TNR: variants seen among roughly 807,000 people sequenced by gnomAD.
TNR encodes the protein tenascin-R.
In TNR, 45 loss-of-function variants were observed where a neutral mutation model predicts 150.4. The observed-to-expected ratio is 0.30, with a 90% CI of 0.24 to 0.38. The LOEUF (loss-of-function observed/expected upper bound fraction) is 0.38. Among genes scored for constraint, TNR ranks in the 10% least tolerant of loss-of-function variants. The pLI, the probability that TNR is intolerant of heterozygous loss-of-function variation, is 1.00. For missense variants in TNR, 1,544 were observed against 1,759.1 expected, an observed-to-expected ratio of 0.88 and a Z score of 2.19; for synonymous variants, 687 against 678.4, an observed-to-expected ratio of 1.01 and a Z score of -0.20.
intron 2 of TNR, among the ~76,000 whole-genome samples, chr1:175,520,363 T>C (rs1285275700): frequency 2.6e-5 from 4 of 152,218 alleles, no homozygotes; most frequent in African/African-American, 9.6e-5. Context: ...CCTTGGCCCA[T>C]GGCCACCGTT....
intron 9 of TNR, among the ~76,000 whole-genome samples, chr1:175,378,523 C>T (rs1348733712): frequency 2.0e-5 from 3 of 152,200 alleles, no homozygotes; most frequent in South Asian, 2.1e-4. Context: ...ATGAATGGAA[C>T]TCTCTCAGGA....
At chr1:175,724,949 C>T (rs1300295040) in intron 1 of TNR, among the ~76,000 whole-genome samples, 1 of 152,050 alleles carries the variant, frequency 6.6e-6, no homozygotes, top group African/African-American at 2.4e-5. Flanking sequence ...CAGAAAACAG[C>T]TCAAGTGTGG....
At chr1:175,354,269 AAGG>A (rs1285094029) in intron 18 of TNR, 119 bp downstream of exon 18, 2 of 1,319,274 alleles carry the variant, frequency 1.5e-6, no homozygotes, top group African/African-American at 3.0e-5. Flanking sequence ...AGGGGAAAAG[AAGG>A]AGGAGGCAAC....
chr1:175,370,550 A>G (rs1286996947), intron 9 of TNR, among the ~76,000 whole-genome samples: 2 of 151,768 alleles, frequency 1.3e-5, no homozygotes, highest in Non-Finnish European at 2.9e-5. Flanking sequence ...CCAAGTACCT[A>G]TCTCTAGATT....
chr1:175,559,950 C>G (rs971867208), intron 1 of TNR, among the ~76,000 whole-genome samples: 1 of 152,212 alleles, frequency 6.6e-6, no homozygotes, highest in Admixed American at 6.5e-5. Flanking sequence ...TTGTCAGGAA[C>G]ACTGGTCCAG....
At position 175,739,513 on chromosome 1, in the gene TNR, C is replaced by T. The variant is rs906406737; in HGVS notation, c.-165+3713G>A. Among the ~76,000 whole-genome samples, 19 of 152,062 alleles carry T rather than the reference C, an allele frequency of 1.2e-4. No homozygotes were observed. The South Asian group carries it at 1.3e-3, about 10-fold the overall frequency. On this transcript the variant is annotated intron_variant, in intron 1 of 22. Transcript: ENST00000367674. ...GCACACACATGCACACACACACACA[C>T]GCACGCACACACACACACATTCACC...
chr1:175,615,402 G>C (rs1663738119), intron 1 of TNR, among the ~76,000 whole-genome samples: 1 of 152,188 alleles, frequency 6.6e-6, no homozygotes, highest in Non-Finnish European at 1.5e-5. Flanking sequence ...AACATGTATT[G>C]GGAGAGGAGG....
At chr1:175,549,806 G>A (rs1413102780) in intron 1 of TNR, among the ~76,000 whole-genome samples, 2 of 152,150 alleles carry the variant, frequency 1.3e-5, no homozygotes, top group South Asian at 4.2e-4. Flanking sequence ...CATCAACCTG[G>A]AGTAGCTTGG....
At chr1:175,384,639 T>G (rs7527127) in intron 8 of TNR, among the ~76,000 whole-genome samples, 1 of 152,164 alleles carries the variant, frequency 6.6e-6, no homozygotes, top group African/African-American at 2.4e-5. Flanking sequence ...AAATGGTGAG[T>G]TTTGCAGCAA....
At chr1:175,718,784 AACGTAAC>A (rs1667224913) in intron 1 of TNR, among the ~76,000 whole-genome samples, 1 of 152,192 alleles carries the variant, frequency 6.6e-6, no homozygotes, top group African/African-American at 2.4e-5. Flanking sequence ...TGACTTGTCT[AACGTAAC>A]ACAGGTCATT....
chr1:175,364,161 T>C (rs1328469614), intron 12 of TNR, among the ~76,000 whole-genome samples: 1 of 152,228 alleles, frequency 6.6e-6, no homozygotes, highest in Non-Finnish European at 1.5e-5. Context: ...GCATTTTCTC[T>C]GAGGTAATTT....
At chr1:175,610,381 A>G (rs1663554776) in intron 1 of TNR, among the ~76,000 whole-genome samples, 5 of 152,230 alleles carry the variant, frequency 3.3e-5, no homozygotes. Context: ...CCAAATTCCC[A>G]TGCATTGCTT....
chr1:175,545,556 T>C (rs1462960037), intron 1 of TNR, among the ~76,000 whole-genome samples: 2 of 152,144 alleles, frequency 1.3e-5, no homozygotes, highest in Non-Finnish European at 2.9e-5. Context: ...CTGAAAACAT[T>C]TGGACCTCTG....
chr1:175,689,293 G>A (rs944487993), intron 1 of TNR, among the ~76,000 whole-genome samples: 1 of 152,144 alleles, frequency 6.6e-6, no homozygotes, highest in Non-Finnish European at 1.5e-5. Context: ...CTCCCTGCTT[G>A]CTAAAACATG....
chr1:175,692,675 C>G (rs914753040), intron 1 of TNR, among the ~76,000 whole-genome samples: 5 of 152,062 alleles, frequency 3.3e-5, no homozygotes, highest in African/African-American at 1.2e-4. Context: ...CTGAATGGGT[C>G]CACTAACAGG....
chr1:175,678,260 T>A (rs947074445), intron 1 of TNR, among the ~76,000 whole-genome samples: 1 of 152,202 alleles, frequency 6.6e-6, no homozygotes, highest in Non-Finnish European at 1.5e-5. Context: ...TGGAATTTTG[T>A]GCTCCCCAGA....
intron 1 of TNR, among the ~76,000 whole-genome samples, chr1:175,544,976 A>AT (rs1319819129): frequency 8.5e-5 from 13 of 152,182 alleles, no homozygotes; most frequent in Non-Finnish European, 1.9e-4. Context: ...TTTTTCTGCC[A>AT]TAAGATCACC....
chr1:175,478,137 C>T (rs2102125068), intron 2 of TNR, among the ~76,000 whole-genome samples: 1 of 152,270 alleles, frequency 6.6e-6, no homozygotes. Flanking sequence ...TGTGTAATTG[C>T]TCTCTTGGAT....
At chr1:175,640,627 T>A (rs921327303) in intron 1 of TNR, among the ~76,000 whole-genome samples, 3 of 152,108 alleles carry the variant, frequency 2.0e-5, no homozygotes, top group Non-Finnish European at 4.4e-5. Flanking sequence ...CCCTTATATC[T>A]CCTTGGGCTC....
Sources: allele counts gnomAD v4.1 joint callset (sites outside exome capture counted in the v4.1 genomes callset), GRCh38; gene constraint gnomAD v4.1.1; transcripts MANE v1.5; gene names NCBI Gene and HGNC (gene_info 2026-07-23, HGNC 2026-07-21).